The following ACOX3 variants were observed in gnomAD, a reference collection of about 807,000 sequenced individuals.
ACOX3 encodes acyl-CoA oxidase 3, pristanoyl, also known as peroxisomal acyl-coenzyme A oxidase 3.
ACOX3 carries 73 observed loss-of-function variants against 81.5 expected under a neutral mutation model. That is an observed-to-expected ratio of 0.90 (90% CI 0.74 to 1.09). The LOEUF (loss-of-function observed/expected upper bound fraction) is 1.09, where lower values mean the gene tolerates loss of function less well. Among genes scored for constraint, ACOX3 ranks in the 50% least tolerant of loss-of-function variants. The probability of loss-of-function intolerance (pLI) is 0.00; values close to 1 mark genes in which losing one functional copy is unlikely to be tolerated. For synonymous variants in ACOX3, 387 were observed against 375.1 expected, an observed-to-expected ratio of 1.03 and a Z score of -0.37; for missense variants, 947 against 928.0, an observed-to-expected ratio of 1.02 and a Z score of -0.27.
Position 8,368,139 on chromosome 4 carries a change from GTGGCCACCAGCAGCAGGA to G in ACOX3, c.1984-1077_1984-1060del, listed in dbSNP as rs1715707557. Among the ~76,000 whole-genome samples, 1 of 152,232 alleles carries G rather than the reference GTGGCCACCAGCAGCAGGA, an allele frequency of 6.6e-6. No individual in the cohort carries two copies. The highest frequency in any genetic ancestry group is 1.5e-5 in the Non-Finnish European group (1 of 68,040). ...CCGCTACAGGCCGCACAGGTGGCAC[GTGGCCACCAGCAGCAGGA>G]TGCCCTCGCCGAGTGGCCCTTACTG... On this transcript the variant is annotated intron_variant, in intron 17 of 17. Transcript: ENST00000356406. This position sits in a 1 kb window ranked among gnomAD's most constrained non-coding sequence, Gnocchi z 5.9.
Position 8,399,778 on chromosome 4 carries a change from C to T in ACOX3, c.777-126G>A, listed in dbSNP as rs902516231. The T allele has an allele frequency of 2.2e-5, 17 of 770,920 alleles. No homozygotes were observed. In the African/African-American group the frequency reaches 2.6e-4, roughly 12 times the overall value. 47.8% of individuals were successfully genotyped at this position (770,920 alleles called of 1,614,324 possible). A position where few individuals can be genotyped will look rare whatever the true frequency, so the allele number is the denominator to read the frequency against. ...AAGAAAATGGCAGAGGGCAAGTAGA[C>T]AGGAACATTCAACCAACTTTCTATT... is the stretch of plus-strand genomic sequence containing the variant. On this transcript the variant is annotated intron_variant, in intron 7 of 17. Coordinates refer to ENST00000356406, the MANE Select transcript of ACOX3 (RefSeq NM_003501.3). The surrounding 1 kb of genome is among the most constrained non-coding windows in gnomAD (Gnocchi z 4.9).
chr4:8,408,891 T>TGGGGGGGGGGGG (rs200811549), intron 6 of ACOX3, among the ~76,000 whole-genome samples: 1 of 25,788 alleles, frequency 3.9e-5, no homozygotes, highest in African/African-American at 2.7e-4. Context: ...GAGCCCTCAC[T>TGGGGGGGGGGGG]GGGGGGGGGG....
chr4:8,440,062 A>G (rs988320860), intron 1 of ACOX3, among the ~76,000 whole-genome samples: 1 of 152,242 alleles, frequency 6.6e-6, no homozygotes, highest in Non-Finnish European at 1.5e-5. Context: ...TAAATTCCAG[A>G]CATTGTATGA....
chr4:8,368,368 A>G lies in ACOX3; in HGVS notation c.1984-1288T>C, dbSNP rs1369351890. ...AAGGGCGAAGGGCAGCTGAGCAGAC[A>G]CTTCACCCGTGCAGGGTGGAAAGGG... On this transcript the variant is annotated intron_variant, in intron 17 of 17. Transcript: ENST00000356406. This position sits in a 1 kb window ranked among gnomAD's most constrained non-coding sequence, Gnocchi z 5.9. Among the ~76,000 whole-genome samples the G allele has an allele frequency of 6.6e-6, 1 of 152,214 alleles. No individual in the cohort carries two copies. Among genetic ancestry groups the G allele is most frequent in the Non-Finnish European group, 1.5e-5 (1 of 68,038 alleles).
At chr4:8,367,844 T>C (rs888446298) in intron 17 of ACOX3, among the ~76,000 whole-genome samples, 6 of 103,550 alleles carry the variant, frequency 5.8e-5, no homozygotes, top group African/African-American at 1.0e-4. Context: ...AGCAAAAAAT[T>C]AACTGGGCAT....
In ACOX3 at chr4:8,382,209, G is replaced by A. The variant is rs1356038792; in HGVS notation, c.1538-602C>T. Among the ~76,000 whole-genome samples the A allele has an allele frequency of 6.6e-6, 1 of 152,194 alleles. No individual in the cohort carries two copies. The highest frequency in any genetic ancestry group is 2.4e-5 in the African/African-American group (1 of 41,462). The stretch of plus-strand genomic sequence containing the variant: ...AAAAGGGCAGGAGGGAGCAGATGTT[G>A]CAGACAGGGAGGCCCCGGGGTGGGG... On this transcript the variant is annotated intron_variant, in intron 13 of 17. Coordinates refer to ENST00000356406, the MANE Select transcript of ACOX3 (RefSeq NM_003501.3). This position sits in a 1 kb window ranked among gnomAD's most constrained non-coding sequence, Gnocchi z 4.1.
chr4:8,415,950 G>A lies in ACOX3; in HGVS notation c.194C>T (p.Pro65Leu), dbSNP rs773958637. 38 of 1,614,076 alleles carry A rather than the reference G, an allele frequency of 2.4e-5. No individual in the cohort carries two copies. Among genetic ancestry groups the A allele is most frequent in the Non-Finnish European group, 3.1e-5 (36 of 1,180,042 alleles). Residue 65 changes from proline to leucine, a missense_variant, in exon 3 of 18, where the codon CCT (proline) becomes CTT (leucine). Physicochemically the swap from Pro to Leu is moderately conservative, Grantham distance 98. Transcript: ENST00000356406. Reference protein sequence around the residue: ...LENDPLFARSPGADLSLEKYR... With the variant: ...LENDPLFARSLGADLSLEKYR... ...CTTCTCCAAGGACAGATCGGCTCCA[G>A]GGGAACGAGCGAAAAGAGGGTCATT...
rs994909308 is a variant in ACOX3 at position 8,368,234 on chromosome 4, G to A, written c.1984-1154C>T. Among the ~76,000 whole-genome samples, 1 of 152,208 alleles carries A rather than the reference G, an allele frequency of 6.6e-6. No homozygotes were observed. Among genetic ancestry groups the A allele is most frequent in the African/African-American group, 2.4e-5 (1 of 41,456 alleles). On this transcript the variant is annotated intron_variant, in intron 17 of 17. Transcript: ENST00000356406. The surrounding 1 kb of genome is among the most constrained non-coding windows in gnomAD (Gnocchi z 5.9). ...ACCCTGCTCCTCTGGTCCTGCCCCG[G>A]GCCAGCACTCCCCTACGGGAGGTGC...
intron 13 of ACOX3, among the ~76,000 whole-genome samples, chr4:8,388,420 G>A (rs915291889): frequency 3.3e-5 from 5 of 152,262 alleles, no homozygotes; most frequent in Admixed American, 2.0e-4. Flanking sequence ...ACCCAGGAAC[G>A]CGAGAGCAGC....
downstream of ACOX3, among the ~76,000 whole-genome samples, chr4:8,364,632 C>G (rs1016852413): frequency 1.3e-5 from 2 of 151,900 alleles, no homozygotes; most frequent in Non-Finnish European, 1.5e-5. This position sits in a 1 kb window ranked among gnomAD's most constrained non-coding sequence, Gnocchi z 5.0. Flanking sequence ...ATGGTGACAT[C>G]GTGACATCAC....
rs1272804561 is a variant in ACOX3, at chr4:8,368,352, G to C, written c.1984-1272C>G. On this transcript the variant is annotated intron_variant, in intron 17 of 17. Coordinates refer to ENST00000356406, the MANE Select transcript of ACOX3 (RefSeq NM_003501.3). The surrounding 1 kb of genome is among the most constrained non-coding windows in gnomAD (Gnocchi z 5.9). The stretch of plus-strand genomic sequence containing the variant: ...GAAGGTTGTACAAATGAAGGGCGAA[G>C]GGCAGCTGAGCAGACACTTCACCCG... Among the ~76,000 whole-genome samples the C allele has an allele frequency of 6.6e-6, 1 of 152,238 alleles. No individual in the cohort carries two copies. The highest frequency in any genetic ancestry group is 1.5e-5 in the Non-Finnish European group (1 of 68,042).
intron 6 of ACOX3, among the ~76,000 whole-genome samples, chr4:8,409,665 GACTGTCTGCACTGTGGGCAGA>G (rs1317079377): frequency 1.3e-5 from 2 of 149,558 alleles, no homozygotes; most frequent in East Asian, 4.0e-4. Flanking sequence ...CTGTGGGCAG[GACTGTCTGCACTGTGGGCAGA>G]GCTGTCTGTG....
intron 14 of ACOX3, among the ~76,000 whole-genome samples, chr4:8,377,219 C>G (rs1312274679): frequency 6.6e-6 from 1 of 152,210 alleles, no homozygotes; most frequent in Admixed American, 6.5e-5. Context: ...CACAGAGAGG[C>G]CGTCCTTGAA....
downstream of ACOX3, among the ~76,000 whole-genome samples, chr4:8,362,238 C>A (rs1715244120): frequency 6.6e-6 from 1 of 152,144 alleles, no homozygotes; most frequent in Non-Finnish European, 1.5e-5. Flanking sequence ...GAATATCAAG[C>A]AAAACAGGAG....
chr4:8,399,773 G>C lies in ACOX3; in HGVS notation c.777-121C>G. On this transcript the variant is annotated intron_variant, in intron 7 of 17. Transcript: ENST00000356406. The surrounding 1 kb of genome is among the most constrained non-coding windows in gnomAD (Gnocchi z 4.9). ...GGACAAAGAAAATGGCAGAGGGCAA[G>C]TAGACAGGAACATTCAACCAACTTT... 11 of 829,160 alleles carry C rather than the reference G, an allele frequency of 1.3e-5. No individual in the cohort carries two copies. In the South Asian group the frequency reaches 1.6e-4, roughly 12 times the overall value. 51.4% of individuals were successfully genotyped at this position (829,160 alleles called of 1,614,324 possible).
At chr4:8,360,276 T>A in the ACOX3 span, among the ~76,000 whole-genome samples, 1 of 152,146 alleles carries the variant, frequency 6.6e-6, no homozygotes, top group Non-Finnish European at 1.5e-5. Flanking sequence ...AAATAAGTGC[T>A]TAAATATTTT....
chr4:8,396,328 G>A (rs528925706), intron 9 of ACOX3, among the ~76,000 whole-genome samples: 1 of 152,274 alleles, frequency 6.6e-6, no homozygotes, highest in African/African-American at 2.4e-5. Flanking sequence ...AGCTGTGGCG[G>A]CCTCACCTGA....
chr4:8,397,682 C>T (rs561651932), intron 8 of ACOX3, among the ~76,000 whole-genome samples: 6 of 152,350 alleles, frequency 3.9e-5, no homozygotes, highest in African/African-American at 1.4e-4. Context: ...GTCCAGGCTG[C>T]GGTGGGCACA....
In ACOX3 at chr4:8,410,482, G is replaced by A. The variant is rs77613013; in HGVS notation, c.544-127C>T. 79 of 1,253,538 alleles carry A rather than the reference G, an allele frequency of 6.3e-5. No individual in the cohort carries two copies. In the East Asian group the frequency reaches 1.4e-3, roughly 22 times the overall value. 77.7% of individuals were successfully genotyped at this position (1,253,538 alleles called of 1,614,324 possible). The stretch of plus-strand genomic sequence containing the variant: ...TCTGAGGCAAGAGTTGAAACTAATC[G>A]CACATTTTAGTTCTTGTATGGCACA... On this transcript the variant is annotated intron_variant, in intron 5 of 17. Transcript: ENST00000356406.
Sources: gnomAD v4.1 joint callset for allele counts (sites outside exome capture counted in the v4.1 genomes callset) on GRCh38, gnomAD v4.1.1 for gene constraint, Gnocchi (gnomAD v3.1) non-coding constraint, MANE v1.5 for transcripts, NCBI Gene and HGNC (gene_info 2026-07-23, HGNC 2026-07-21) for gene names.